The following PTPRM variants were observed in gnomAD, a reference collection of about 807,000 sequenced individuals.
PTPRM encodes the protein protein tyrosine phosphatase receptor type M.
A neutral mutation model predicts 186.7 loss-of-function variants in PTPRM; 47 were observed. The observed-to-expected ratio is 0.25, with a 90% CI of 0.20 to 0.32. The LOEUF is 0.32. Ranked by LOEUF, PTPRM falls within the 10% of genes least tolerant of loss-of-function variation. The pLI, the probability that PTPRM is intolerant of heterozygous loss-of-function variation, is 1.00. For missense variants in PTPRM, 1,494 were observed against 1,865.0 expected, an observed-to-expected ratio of 0.80 and a Z score of 3.66; for synonymous variants, 668 against 674.9, an observed-to-expected ratio of 0.99 and a Z score of 0.16.
intron 23 of PTPRM, among the ~76,000 whole-genome samples, chr18:8,356,694 C>A (rs1224149039): frequency 6.6e-6 from 1 of 152,096 alleles, no homozygotes; most frequent in Non-Finnish European, 1.5e-5. Flanking sequence ...TAAGGATGGG[C>A]AGATATAAGT....
At chr18:8,065,479 A>G (rs1025058378) in intron 7 of PTPRM, among the ~76,000 whole-genome samples, 1 of 152,054 alleles carries the variant, frequency 6.6e-6, no homozygotes, top group African/African-American at 2.4e-5. Flanking sequence ...CGTGACAGCC[A>G]GTGCACTTCT....
chr18:8,083,562 G>A (rs930950521), intron 9 of PTPRM, among the ~76,000 whole-genome samples: 3 of 151,886 alleles, frequency 2.0e-5, no homozygotes, highest in Non-Finnish European at 4.4e-5. Context: ...CACCCTATTC[G>A]TTTCTTCCAT....
intron 1 of PTPRM, among the ~76,000 whole-genome samples, chr18:7,609,416 C>T (rs2037616808): frequency 6.6e-6 from 1 of 152,148 alleles, no homozygotes; most frequent in Non-Finnish European, 1.5e-5. Flanking sequence ...TAGGTGCTCA[C>T]TGCCTGGTGC....
rs528921879 is a variant in PTPRM at position 8,086,236 on chromosome 18, A to C, written c.1753+364A>C. 1.2e-3 allele frequency among the ~76,000 whole-genome samples: 183 copies of C among 152,252 alleles called. 1 individual carries two copies. The highest frequency in any genetic ancestry group is 4.2e-3 in the African/African-American group (174 of 41,560). On this transcript the variant is annotated intron_variant, in intron 10 of 32. Coordinates refer to ENST00000580170, the MANE Select transcript of PTPRM (RefSeq NM_001105244.2). Reference sequence around the variant, plus strand: ...ATGAACCATCGGGAGCTCTGCAGAAAGACAGTCATATAGAGTCTGCTTCCT... The same window carrying C: ...ATGAACCATCGGGAGCTCTGCAGAACGACAGTCATATAGAGTCTGCTTCCT...
At chr18:8,095,659 T>C (rs2090980635) in intron 11 of PTPRM, among the ~76,000 whole-genome samples, 1 of 152,006 alleles carries the variant, frequency 6.6e-6, no homozygotes. Context: ...CTGGAGGATG[T>C]GCTGGGCCCA....
intron 2 of PTPRM, among the ~76,000 whole-genome samples, chr18:7,880,360 C>A (rs542575683): frequency 7.2e-5 from 11 of 152,228 alleles, no homozygotes; most frequent in African/African-American, 2.4e-4. Flanking sequence ...AACAAATGGT[C>A]TTTTTCAGTA....
chr18:7,812,285 T>A (rs2044565727), intron 2 of PTPRM, among the ~76,000 whole-genome samples: 1 of 152,230 alleles, frequency 6.6e-6, no homozygotes, highest in Admixed American at 6.5e-5. Context: ...AAACCGGTTT[T>A]GATGAGGCCA....
intron 1 of PTPRM, among the ~76,000 whole-genome samples, chr18:7,611,636 A>G (rs1222626952): frequency 6.6e-6 from 1 of 152,062 alleles, no homozygotes; most frequent in Admixed American, 6.5e-5. Context: ...TTGAATTCCC[A>G]CATGTTGTGG....
chr18:8,106,913 AT>A (rs2091547656), intron 11 of PTPRM, among the ~76,000 whole-genome samples: 1 of 152,172 alleles, frequency 6.6e-6, no homozygotes, highest in Non-Finnish European at 1.5e-5. Context: ...TGATAGTTGC[AT>A]TTGTATTCCA....
chr18:7,872,854 A>C (rs189713712), intron 2 of PTPRM, among the ~76,000 whole-genome samples: 1 of 152,322 alleles, frequency 6.6e-6, no homozygotes, highest in East Asian at 1.9e-4. Context: ...TCTGTTTTGA[A>C]TAATTTGATC....
chr18:7,798,877 A>G (rs2043809655), intron 2 of PTPRM, among the ~76,000 whole-genome samples: 1 of 152,210 alleles, frequency 6.6e-6, no homozygotes, highest in African/African-American at 2.4e-5. Context: ...ACCTATATGT[A>G]TTTATGTATC....
At chr18:8,084,038 G>A (rs1023897598) in intron 9 of PTPRM, among the ~76,000 whole-genome samples, 1 of 152,078 alleles carries the variant, frequency 6.6e-6, no homozygotes, top group South Asian at 2.1e-4. Context: ...GCCACGGTGG[G>A]CAGCGTCAGT....
intron 1 of PTPRM, among the ~76,000 whole-genome samples, chr18:7,768,507 A>G (rs183609980): frequency 6.6e-6 from 1 of 152,280 alleles, no homozygotes; most frequent in Admixed American, 6.5e-5. Context: ...AACACAAAGA[A>G]TAAAAAGCAT....
At chr18:8,364,797 G>T (rs1472745599) in intron 23 of PTPRM, 2 of 152,072 alleles carry the variant, frequency 1.3e-5, no homozygotes, top group Admixed American at 1.3e-4. Flanking sequence ...TGTATTTATT[G>T]GATCACATTA....
At position 8,343,533 on chromosome 18, in the gene PTPRM, TCTG is replaced by T; in HGVS notation, c.3054+18_3054+20del. 6.2e-7 allele frequency: 1 copy of T among 1,611,052 alleles called. No homozygotes were observed. Among genetic ancestry groups the T allele is most frequent in the South Asian group, 1.1e-5 (1 of 90,602 alleles). ...GGAAGTGGGAAGGGTGAGTGGACCG[TCTG>T]CTGCAAATGGCCATTTTGTTCCTTG... On this transcript the variant is annotated intron_variant, in intron 23 of 32. Coordinates refer to ENST00000580170, the MANE Select transcript of PTPRM (RefSeq NM_001105244.2).
intron 21 of PTPRM, among the ~76,000 whole-genome samples, chr18:8,317,946 G>A (rs2095321082): frequency 6.6e-6 from 1 of 152,150 alleles, no homozygotes; most frequent in African/African-American, 2.4e-5. Context: ...ATGGTCTAAA[G>A]AGTTCTATTT....
intron 23 of PTPRM, chr18:8,364,914 G>C (rs2095618971): frequency 6.6e-6 from 1 of 152,224 alleles, no homozygotes; most frequent in Non-Finnish European, 1.5e-5. Context: ...CACACCTTCA[G>C]TTCTGCCCAG....
chr18:7,768,945 C>T (rs2042146759), intron 1 of PTPRM, among the ~76,000 whole-genome samples: 1 of 151,940 alleles, frequency 6.6e-6, no homozygotes, highest in Non-Finnish European at 1.5e-5. Context: ...AGTGCCTGGC[C>T]CATAAAGATA....
At chr18:7,594,421 A>C (rs777316714) in intron 1 of PTPRM, among the ~76,000 whole-genome samples, 1 of 152,080 alleles carries the variant, frequency 6.6e-6, no homozygotes, top group African/African-American at 2.4e-5. Flanking sequence ...CAGAGGTTGC[A>C]TTGAGCCGAG....
Sources: allele counts gnomAD v4.1 joint callset (sites outside exome capture counted in the v4.1 genomes callset), GRCh38; gene constraint gnomAD v4.1.1; transcripts MANE v1.5; gene names NCBI Gene and HGNC (gene_info 2026-07-23, HGNC 2026-07-21).